Variants in CHRDL2 observed in about 807,000 individuals in gnomAD.
CHRDL2 encodes the protein chordin like 2, also known as chordin-like protein 2.
Under a neutral mutation model 54.3 loss-of-function variants are expected in CHRDL2, and 41 were observed. The ratio of observed to expected loss-of-function variants is 0.76; its 90% CI spans 0.59 to 0.98. The LOEUF (loss-of-function observed/expected upper bound fraction) is 0.98. Ranked by LOEUF, CHRDL2 falls within the 50% of genes least tolerant of loss-of-function variation. CHRDL2 has a pLI of 0.00. For missense variants in CHRDL2, 518 were observed against 562.4 expected (o/e 0.92, Z 0.80); for synonymous variants, 220 against 224.3 (o/e 0.98, Z 0.17).
Position 74,697,541 on chromosome 11 carries a change from CT to C in CHRDL2, c.1121-245del, listed in dbSNP as rs1565145197. ...GGTCACTACACTAGAGTCCTAACCC[CT>C]TTCACTCCCCCTCTAATCTGCAATC... is the stretch of plus-strand genomic sequence containing the variant. On this transcript the variant is annotated intron_variant, in intron 9 of 10. Coordinates refer to ENST00000376332, the MANE Select transcript of CHRDL2 (RefSeq NM_001278473.3). 3 of 563,264 alleles carry C rather than the reference CT, an allele frequency of 5.3e-6. No homozygotes were observed. In the African/African-American group the frequency reaches 5.6e-5, roughly 10 times the overall value. 34.9% of individuals were successfully genotyped at this position (563,264 alleles called of 1,614,324 possible). A position where few individuals can be genotyped will look rare whatever the true frequency, so the allele number is the denominator to read the frequency against.
chr11:74,719,976 C>T (rs963777207), intron 1 of CHRDL2, among the ~76,000 whole-genome samples: 5 of 152,114 alleles, frequency 3.3e-5, no homozygotes, highest in African/African-American at 9.7e-5. Context: ...GCGATCTTCA[C>T]GCCAGCAGGG....
In CHRDL2 at chr11:74,700,396, T is replaced by A. The variant is rs372341251; in HGVS notation, c.1120+2398A>T. Among the ~76,000 whole-genome samples, 23 of 152,248 alleles carry A rather than the reference T, an allele frequency of 1.5e-4. No individual in the cohort carries two copies. In the East Asian group the frequency reaches 3.5e-3, roughly 23 times the overall value. ...TATTTTAATTTTTAGTGACACTATC[T>A]GTTCATTGGCTCTTTACATCATTGA... On this transcript the variant is annotated intron_variant, in intron 9 of 10. Transcript: ENST00000376332.
rs1479426024 is a variant in CHRDL2, at chr11:74,730,701, G to A, written c.82+106C>T. 12 of 1,074,420 alleles carry A rather than the reference G, an allele frequency of 1.1e-5. No individual in the cohort carries two copies. The Admixed American group carries it at 1.4e-4, about 12-fold the overall frequency. 66.6% of individuals were successfully genotyped at this position (1,074,420 alleles called of 1,614,324 possible). A position where few individuals can be genotyped will look rare whatever the true frequency, so the allele number is the denominator to read the frequency against. On this transcript the variant is annotated intron_variant, in intron 1 of 10. Coordinates refer to ENST00000376332, the MANE Select transcript of CHRDL2 (RefSeq NM_001278473.3). ...TCTCCACCCCTCCGGCACAGGTGCT[G>A]CCTGGACGGCTGTCAGAAGAGCTTG...
intron 6 of CHRDL2, 200 bp from the exon 7 acceptor site, chr11:74,704,854 C>G: frequency 3.3e-6 from 2 of 604,318 alleles, no homozygotes; most frequent in Non-Finnish European, 5.7e-6. Context: ...TTTGAAAACT[C>G]TCAGAGGATA....
At chr11:74,702,068 ACATGGCAAAAC>A (rs921637441) in intron 9 of CHRDL2, among the ~76,000 whole-genome samples, 3 of 152,116 alleles carry the variant, frequency 2.0e-5, no homozygotes, top group African/African-American at 7.2e-5. Context: ...AGCCTGGGCA[ACATGGCAAAAC>A]CCCATCTCTA....
chr11:74,717,037 T>G (rs1247189194), intron 2 of CHRDL2, among the ~76,000 whole-genome samples: 2 of 152,024 alleles, frequency 1.3e-5, no homozygotes, highest in Non-Finnish European at 2.9e-5. Flanking sequence ...AAGGCTGCAG[T>G]GAGCTGAGAT....
In CHRDL2 at chr11:74,706,741, T is replaced by G. The variant is rs192841698; in HGVS notation, c.527-199A>C. 1.3e-3 allele frequency among the ~76,000 whole-genome samples: 198 copies of G among 152,316 alleles called. 1 individual carries two copies. The highest frequency in any genetic ancestry group is 4.6e-3 in the African/African-American group (192 of 41,562). The stretch of plus-strand genomic sequence containing the variant: ...ACAGCCTCTCTTCATCCTGGTTGGG[T>G]TGATGAAGTCCCCTACAACTGGGTT... On this transcript the variant is annotated intron_variant, in intron 5 of 10. Coordinates refer to ENST00000376332, the MANE Select transcript of CHRDL2 (RefSeq NM_001278473.3).
chr11:74,704,266 C>A (rs1215769726), intron 7 of CHRDL2, among the ~76,000 whole-genome samples: 2 of 152,208 alleles, frequency 1.3e-5, no homozygotes, highest in African/African-American at 4.8e-5. Flanking sequence ...ACTCAATACT[C>A]TGAACCTCAG....
At chr11:74,722,167 C>A (rs1443947808) in intron 1 of CHRDL2, among the ~76,000 whole-genome samples, 2 of 152,148 alleles carry the variant, frequency 1.3e-5, no homozygotes, top group Non-Finnish European at 2.9e-5. Context: ...TCATACCTCA[C>A]TCCCTTCCCA....
At chr11:74,697,082 C>G (rs2033621450) in intron 10 of CHRDL2, 123 bp downstream of exon 10, 2 of 701,384 alleles carry the variant, frequency 2.9e-6, no homozygotes, top group Admixed American at 4.5e-5. Flanking sequence ...GTGCTGGGAA[C>G]TGACGTCTGT....
At chr11:74,700,158 A>C (rs961277134) in intron 9 of CHRDL2, among the ~76,000 whole-genome samples, 3 of 152,126 alleles carry the variant, frequency 2.0e-5, no homozygotes, top group Non-Finnish European at 4.4e-5. Flanking sequence ...GACCTCTCAG[A>C]CTCAGTTTTC....
chr11:74,727,184 T>C (rs1436921774), intron 1 of CHRDL2, among the ~76,000 whole-genome samples: 2 of 152,156 alleles, frequency 1.3e-5, no homozygotes, highest in Admixed American at 1.3e-4. Flanking sequence ...GGGAGAAAAC[T>C]GAGAGGTAGA....
chr11:74,718,943 CA>C, intron 1 of CHRDL2, 111 bp from the exon 2 acceptor site: 1 of 667,500 alleles, frequency 1.5e-6, no homozygotes, highest in Non-Finnish European at 2.6e-6. Context: ...GCCACTCAGG[CA>C]AAAGAGAATC....
At position 74,698,716 on chromosome 11, in the gene CHRDL2, CACACA is replaced by C. The variant is rs1565146009; in HGVS notation, c.1121-1424_1121-1420del. 3.1e-3 allele frequency: 461 copies of C among 150,578 alleles called. 6 individuals are homozygous for C. The highest frequency in any genetic ancestry group is 0.019 in the East Asian group (96 of 5,136). 9.3% of individuals were successfully genotyped at this position (150,578 alleles called of 1,614,324 possible). A position where few individuals can be genotyped will look rare whatever the true frequency, so the allele number is the denominator to read the frequency against. The stretch of plus-strand genomic sequence containing the variant: ...ACACACACACACACACACACACACA[CACACA>C]CCCCACATACCCAGTCTAGGCCAGG... On this transcript the variant is annotated intron_variant, in intron 9 of 10. Transcript: ENST00000376332.
intron 4 of CHRDL2, among the ~76,000 whole-genome samples, chr11:74,709,740 G>A (rs2034124645): frequency 6.6e-6 from 1 of 152,206 alleles, no homozygotes; most frequent in Non-Finnish European, 1.5e-5. Context: ...CTGGGACAGT[G>A]CTGGAGATCA....
chr11:74,720,111 A>T (rs1423537441), intron 1 of CHRDL2, among the ~76,000 whole-genome samples: 1 of 152,238 alleles, frequency 6.6e-6, no homozygotes, highest in Non-Finnish European at 1.5e-5. Context: ...AACATTATTG[A>T]CTATCTTCTC....
chr11:74,715,692 T>C, intron 2 of CHRDL2, among the ~76,000 whole-genome samples: 1 of 149,840 alleles, frequency 6.7e-6, no homozygotes. Context: ...TATAATAAAA[T>C]AGAGGGCCTG....
Position 74,729,955 on chromosome 11 carries a change from G to A in CHRDL2, c.82+852C>T, listed in dbSNP as rs61504781. Among the ~76,000 whole-genome samples, 19 of 152,280 alleles carry A rather than the reference G, an allele frequency of 1.2e-4. 1 individual carries two copies. In the East Asian group the frequency reaches 3.7e-3, roughly 29 times the overall value. On this transcript the variant is annotated intron_variant, in intron 1 of 10. Coordinates refer to ENST00000376332, the MANE Select transcript of CHRDL2 (RefSeq NM_001278473.3). ...GTATCTATGTGGAAAAGCATAATTGGGAACTGATTTTTTTTGGAAGCTATC... is the reference window on the plus strand; with the variant it reads ...GTATCTATGTGGAAAAGCATAATTGAGAACTGATTTTTTTTGGAAGCTATC...
chr11:74,707,274 G>C (rs2034040869), intron 5 of CHRDL2, among the ~76,000 whole-genome samples: 1 of 152,236 alleles, frequency 6.6e-6, no homozygotes, highest in Non-Finnish European at 1.5e-5. Flanking sequence ...TTAGCTGGAA[G>C]AACCAGGACT....
Sources: allele counts gnomAD v4.1 joint callset (sites outside exome capture counted in the v4.1 genomes callset), GRCh38; gene constraint gnomAD v4.1.1; transcripts MANE v1.5; gene names NCBI Gene and HGNC (gene_info 2026-07-23, HGNC 2026-07-21).